OCM2: variants seen among roughly 807,000 people sequenced by gnomAD.
OCM2 encodes the protein oncomodulin-2.
In OCM2, 6 loss-of-function variants were observed where a neutral mutation model predicts 13.6. The ratio of observed to expected loss-of-function variants is 0.44; its 90% CI spans 0.24 to 0.87. The LOEUF is 0.87. Among genes scored for constraint, OCM2 ranks in the 40% least tolerant of loss-of-function variants. The pLI is 0.22. For synonymous variants in OCM2, 40 were observed against 50.7 expected (o/e 0.79, Z 0.90); for missense variants, 118 against 136.8 (o/e 0.86, Z 0.68).
intron 3 of OCM2, 121 bp from the exon 4 acceptor site, chr7:97,985,104 T>G: frequency 1.1e-6 from 1 of 896,160 alleles, no homozygotes; most frequent in Non-Finnish European, 1.8e-6. Flanking sequence ...ATGATGGGCA[T>G]GGCCCCCTTG....
intron 1 of OCM2, among the ~76,000 whole-genome samples, chr7:97,988,933 C>CTTTT (rs67400420): frequency 2.2e-5 from 3 of 134,612 alleles, no homozygotes; most frequent in South Asian, 2.3e-4. Context: ...TTCTTTCTTT[C>CTTTT]TTTTTTTTTT....
chr7:97,985,987 A>C (rs1794667644), intron 3 of OCM2, among the ~76,000 whole-genome samples: 1 of 151,928 alleles, frequency 6.6e-6, no homozygotes, highest in Non-Finnish European at 1.5e-5. Context: ...ATCTTGGCTC[A>C]CTGCAACCTC....
Position 97,986,037 on chromosome 7 carries a change from C to T in OCM2, c.304+1010G>A, listed in dbSNP as rs1203778552. On this transcript the variant is annotated intron_variant, in intron 3 of 3. Coordinates refer to ENST00000257627, the Ensembl canonical transcript of OCM2. ...AAGTGATTCTCCTGCCTCAGCTTCC[C>T]GAGTAGTTGGGATTACAGGTGCCCA... 6.6e-5 allele frequency among the ~76,000 whole-genome samples: 10 copies of T among 152,134 alleles called. No individual in the cohort carries two copies. The South Asian group carries it at 1.2e-3, about 19-fold the overall frequency.
chr7:97,989,562 G>A (rs1794710115), intron 1 of OCM2, among the ~76,000 whole-genome samples: 1 of 151,650 alleles, frequency 6.6e-6, no homozygotes, highest in East Asian at 1.9e-4. Context: ...ACCATGCCCC[G>A]CTAGTTTTTA....
intron 3 of OCM2, among the ~76,000 whole-genome samples, chr7:97,986,094 A>T (rs1308361003): frequency 6.6e-6 from 1 of 151,880 alleles, no homozygotes; most frequent in Non-Finnish European, 1.5e-5. Context: ...TTATATTTTC[A>T]ATAGAGATGG....
exon 2 of OCM2, chr7:97,988,477 T>C: frequency 6.2e-7 from 1 of 1,614,180 alleles, no homozygotes; most frequent in Non-Finnish European, 8.5e-7. Context: ...AAAACATCCT[T>C]CACCTGACTG....
intron 3 of OCM2, among the ~76,000 whole-genome samples, chr7:97,986,006 A>C (rs888070281): frequency 6.6e-6 from 1 of 151,908 alleles, no homozygotes; most frequent in African/African-American, 2.4e-5. Context: ...TCTGCCTCCC[A>C]GGTTCAAGTG....
chr7:97,990,157 C>T (rs13307620), exon 1 of OCM2: 15 of 1,536,182 alleles, frequency 9.8e-6, no homozygotes, highest in Admixed American at 5.0e-5. Flanking sequence ...CAAACAGGAA[C>T]GTGCACATCC....
chr7:97,985,431 A>AAAAAAAAAG (rs757682710), intron 3 of OCM2, among the ~76,000 whole-genome samples: 24 of 131,482 alleles, frequency 1.8e-4, no homozygotes, highest in Non-Finnish European at 2.0e-4. Context: ...AAAAAAAAAA[A>AAAAAAAAAG]AAAGAAAGAA....
At chr7:97,987,490 T>C (rs1794684369) in intron 2 of OCM2, among the ~76,000 whole-genome samples, 2 of 151,314 alleles carry the variant, frequency 1.3e-5, no homozygotes, top group East Asian at 2.0e-4. Flanking sequence ...GGACTAAAGG[T>C]GCACCCCCCC....
chr7:97,985,418 C>CAAAA (rs60506626), intron 3 of OCM2, among the ~76,000 whole-genome samples: 1 of 89,672 alleles, frequency 1.1e-5, no homozygotes, highest in Non-Finnish European at 2.2e-5. Flanking sequence ...GACTCCATCT[C>CAAAA]AAAAAAAAAA....
exon 1 of OCM2, chr7:97,990,057 G>A (rs1323140620): frequency 2.7e-5 from 43 of 1,609,834 alleles, no homozygotes; most frequent in Non-Finnish European, 3.6e-5. Flanking sequence ...GGCATTCCTG[G>A]AGCGCTGCTG....
chr7:97,985,088 T>C (rs1794656638), intron 3 of OCM2, 105 bp from the exon 4 acceptor site: 1 of 1,328,402 alleles, frequency 7.5e-7, no homozygotes, highest in Non-Finnish European at 1.1e-6. Context: ...CAAAGAAAAT[T>C]GTCAGATGAT....
In OCM2 at chr7:97,989,386, CTTAT is replaced by C. The variant is rs55906293; in HGVS notation, c.61+654_61+657del. Among the ~76,000 whole-genome samples the C allele has an allele frequency of 4.9e-3, 713 of 145,256 alleles. 11 individuals are homozygous for C. The highest frequency in any genetic ancestry group is 0.016 in the African/African-American group (637 of 39,688). On this transcript the variant is annotated intron_variant, in intron 1 of 3. Transcript: ENST00000257627. Reference sequence around the variant, plus strand: ...AATTTTCCAGCCAAGCTCTTATTTACTTATTTATTTATTTATTTATTTATTTATT... The same window carrying C: ...AATTTTCCAGCCAAGCTCTTATTTACTTATTTATTTATTTATTTATTTATT...
Position 97,990,030 on chromosome 7 carries a change from C to CCCCACCCCACAACAA in OCM2, c.61+13_61+14insTTGTTGTGGGGTGGG. 1 of 1,571,176 alleles carries CCCCACCCCACAACAA rather than the reference C, an allele frequency of 6.4e-7. No individual in the cohort carries two copies. The highest frequency in any genetic ancestry group is 8.8e-7 in the Non-Finnish European group (1 of 1,141,482). On this transcript the variant is annotated intron_variant, in intron 1 of 3. Transcript: ENST00000257627. ...CTGTGAGGAAATCCCACCCCCGCCC[C>CCCCACCCCACAACAA]ACGTCCCCTCTACCTTGGCATTCCT...
rs184659382 is a variant in OCM2 at position 97,986,261 on chromosome 7, A to G, written c.304+786T>C. On this transcript the variant is annotated intron_variant, in intron 3 of 3. Transcript: ENST00000257627. ...ATCCCCCCTTACCTAATCTGTTTTT[A>G]TGAGCTATCTATCTGCATTAACTCC... 4.6e-3 allele frequency among the ~76,000 whole-genome samples: 696 copies of G among 152,068 alleles called. 8 individuals carry two copies. Among genetic ancestry groups the G allele is most frequent in the African/African-American group, 0.016 (664 of 41,492 alleles).
In OCM2 at chr7:97,987,846, C is replaced by A. The variant is rs189100615; in HGVS notation, c.194+570G>T. Among the ~76,000 whole-genome samples, 71 of 152,182 alleles carry A rather than the reference C, an allele frequency of 4.7e-4. 2 individuals are homozygous for A. The highest frequency in any genetic ancestry group is 2.6e-3 in the Admixed American group (40 of 15,266). ...TACAGGCGTGAGCCACCGCGCTTAGCCAAGTTTTTAGTTTTTTAAAGTCCA... is the reference window on the plus strand; with the variant it reads ...TACAGGCGTGAGCCACCGCGCTTAGACAAGTTTTTAGTTTTTTAAAGTCCA... On this transcript the variant is annotated intron_variant, in intron 2 of 3. Transcript: ENST00000257627.
intron 3 of OCM2, among the ~76,000 whole-genome samples, chr7:97,985,725 T>A (rs898067953): frequency 3.9e-5 from 6 of 152,124 alleles, no homozygotes; most frequent in African/African-American, 1.4e-4. Context: ...AGGATATATT[T>A]GATAGGGTGG....
chr7:97,984,772 C>T (rs1348178056), exon 4 of OCM2: 3 of 748,038 alleles, frequency 4.0e-6, no homozygotes, highest in South Asian at 3.6e-5. Context: ...GGGCATATAC[C>T]CACCACCAAG....
Sources: allele counts gnomAD v4.1 joint callset (sites outside exome capture counted in the v4.1 genomes callset), GRCh38; gene constraint gnomAD v4.1.1; transcripts MANE v1.5; gene names NCBI Gene and HGNC (gene_info 2026-07-23, HGNC 2026-07-21).